RCC1: variants seen among roughly 807,000 people sequenced by gnomAD.
The protein encoded by RCC1 is regulator of chromosome condensation 1, also known as regulator of chromosome condensation.
RCC1 carries 11 observed loss-of-function variants against 44.4 expected under a neutral mutation model. The ratio of observed to expected loss-of-function variants is 0.25; its 90% CI spans 0.16 to 0.41. The LOEUF (loss-of-function observed/expected upper bound fraction) is 0.41, where lower values mean the gene tolerates loss of function less well. RCC1 is among the 10% of genes least tolerant of loss of function. RCC1 has a pLI of 1.00. For missense variants in RCC1, 386 were observed against 547.1 expected (o/e 0.71, Z 2.94); for synonymous variants, 213 against 216.5 (o/e 0.98, Z 0.14).
At chr1:28,525,968 T>C (rs989266854) in intron 4 of RCC1, among the ~76,000 whole-genome samples, 12 of 152,126 alleles carry the variant, frequency 7.9e-5, no homozygotes, top group Admixed American at 1.3e-4. Flanking sequence ...GACAACTTGA[T>C]TGTTTTTCAT....
intron 3 of RCC1, among the ~76,000 whole-genome samples, chr1:28,515,577 C>A (rs1374954120): frequency 6.6e-6 from 1 of 151,196 alleles, no homozygotes; most frequent in East Asian, 1.9e-4. Flanking sequence ...ATGAGCCGGG[C>A]ATGGTGGTGC....
chr1:28,530,626 G>T (rs749630781), intron 5 of RCC1: 3 of 1,590,650 alleles, frequency 1.9e-6, no homozygotes, highest in African/African-American at 2.7e-5. Context: ...GTGGCTCCGC[G>T]CCCGGGGCGC....
At chr1:28,537,035 C>A (rs1247924510) in intron 12 of RCC1, 136 bp downstream of exon 12, 8 of 904,354 alleles carry the variant, frequency 8.8e-6, no homozygotes, top group South Asian at 1.6e-5. Flanking sequence ...GCACTTTGTT[C>A]CTGCTTCTCA....
At position 28,535,892 on chromosome 1, in the gene RCC1, G is replaced by A; in HGVS notation, c.683G>A (p.Cys228Tyr). Reference protein sequence around the residue: ...QGLERLLVPKCVMLKSRGSRG... With the variant: ...QGLERLLVPKYVMLKSRGSRG... Reference sequence around the variant, plus strand: ...GCAGAACGACTCCTGGTCCCCAAGTGTGTGATGCTGAAATCCAGGGGAAGC... The same window carrying A: ...GCAGAACGACTCCTGGTCCCCAAGTATGTGATGCTGAAATCCAGGGGAAGC... The change falls in exon 10 of 13, where the codon TGT (cysteine) becomes TAT (tyrosine). Residue 228 changes from cysteine (C) to tyrosine (Y), a missense_variant. Physicochemically the swap from Cys to Tyr is radical, Grantham distance 194 (BLOSUM62 -2). Transcript: ENST00000683442. 4 of 1,613,884 alleles carry A rather than the reference G, an allele frequency of 2.5e-6. No homozygotes were observed. Among genetic ancestry groups the A allele is most frequent in the Non-Finnish European group, 3.4e-6 (4 of 1,179,856 alleles).
At chr1:28,527,560 A>C (rs193180116) in intron 4 of RCC1, among the ~76,000 whole-genome samples, 2 of 152,258 alleles carry the variant, frequency 1.3e-5, no homozygotes, top group Admixed American at 1.3e-4. Flanking sequence ...TCAATCAATT[A>C]AATAAGAAAA....
chr1:28,532,984 T>A (rs1234858676), intron 7 of RCC1, among the ~76,000 whole-genome samples: 1 of 151,986 alleles, frequency 6.6e-6, no homozygotes, highest in African/African-American at 2.4e-5. Context: ...CCTGGCTAAT[T>A]TTGTATTTTT....
At chr1:28,516,703 C>A in intron 3 of RCC1, 22 bp from the exon 4 acceptor site, 1 of 336,152 alleles carries the variant, frequency 3.0e-6, no homozygotes, top group Non-Finnish European at 5.9e-6. Context: ...TAATAATAAT[C>A]ACTTATTATT....
chr1:28,511,753 C>T lies in RCC1; in HGVS notation c.-153+2848C>T, dbSNP rs548751935. 9.2e-5 allele frequency among the ~76,000 whole-genome samples: 14 copies of T among 151,886 alleles called. No individual in the cohort carries two copies. In the East Asian group the frequency reaches 1.2e-3, roughly 13 times the overall value. On this transcript the variant is annotated intron_variant, in intron 3 of 12. Transcript: ENST00000683442. ...TTGGCTTGCTGCAACCTCCACCTCC[C>T]GGGTTCCAGCAATTCTCCCACCTCA...
chr1:28,515,139 A>G (rs887490298), intron 3 of RCC1, among the ~76,000 whole-genome samples: 4 of 152,034 alleles, frequency 2.6e-5, no homozygotes, highest in South Asian at 2.1e-4. Flanking sequence ...TTAGATGGGC[A>G]ATTAGCTGGA....
chr1:28,535,373 A>G lies in RCC1; in HGVS notation c.654A>G (p.Gln218=), dbSNP rs368452085. The G allele has an allele frequency of 1.4e-5, 22 of 1,613,996 alleles. No individual in the cohort carries two copies. The African/African-American group carries it at 2.7e-4, about 20-fold the overall frequency. The change falls in exon 9 of 13, where the codon CAA becomes CAG. Residue 218 remains glutamine (Q), a synonymous_variant. Transcript: ENST00000683442. ...TATTTGCCAACCGTGGTGGCCGGCA[A>G]GGCCTCGGTAAGTGGCCTTGGTACC... ...PELFANRGGR[Q]GLERLLVPKC...
intron 2 of RCC1, 96 bp downstream of exon 2, chr1:28,508,256 C>T: frequency 2.7e-6 from 1 of 372,518 alleles, no homozygotes; most frequent in Non-Finnish European, 5.5e-6. Context: ...TCTAGTTGGT[C>T]AGGATTTACC....
chr1:28,515,547 T>C (rs1662845604), intron 3 of RCC1, among the ~76,000 whole-genome samples: 1 of 149,124 alleles, frequency 6.7e-6, no homozygotes, highest in African/African-American at 2.5e-5. Flanking sequence ...TGAAACCCTG[T>C]CTCTATTAAA....
rs866986578 is a variant in RCC1, at chr1:28,533,850, T to G, written c.442-1200T>G. On this transcript the variant is annotated intron_variant, in intron 7 of 12. Coordinates refer to ENST00000683442, the MANE Select transcript of RCC1 (RefSeq NM_001381865.2). ...TTTTTCTTTTCTTTTCTTTTCTTTT[T>G]TTTTTTTTTTTTTTTTTTTTTTTTT... Among the ~76,000 whole-genome samples the G allele has an allele frequency of 4.7e-4, 5 of 10,740 alleles. No homozygotes were observed. The East Asian group carries it at 5.6e-3, about 12-fold the overall frequency. 7.0% of individuals were successfully genotyped at this position (10,740 alleles called of 152,430 possible).
intron 5 of RCC1, among the ~76,000 whole-genome samples, chr1:28,530,800 C>T (rs1664104172): frequency 6.6e-6 from 1 of 152,176 alleles, no homozygotes; most frequent in Non-Finnish European, 1.5e-5. Context: ...CTTCCTCCCG[C>T]CCCTCCTGCC....
At chr1:28,527,137 T>C in intron 4 of RCC1, 1 of 1,279,356 alleles carries the variant, frequency 7.8e-7, no homozygotes, top group Non-Finnish European at 1.1e-6. Context: ...GCAGCAGGCC[T>C]GAGGGCTGCA....
chr1:28,535,540 ACT>A, intron 9 of RCC1, 160 bp downstream of exon 9: 1 of 1,094,398 alleles, frequency 9.1e-7, no homozygotes, highest in Admixed American at 2.0e-5. Flanking sequence ...TTTGCCACCT[ACT>A]GTCTATGGGA....
intron 4 of RCC1, among the ~76,000 whole-genome samples, chr1:28,521,370 A>G (rs191421894): frequency 0.017 from 2,490 of 150,332 alleles, 28 homozygotes; most frequent in African/African-American, 0.023. Context: ...GTGTGGTGGC[A>G]GGCGCCTGTA....
intron 1 of RCC1, chr1:28,507,142 GT>G (rs1662018859): frequency 3.6e-6 from 1 of 276,134 alleles, no homozygotes; most frequent in Admixed American, 4.6e-5. Context: ...CCTAATTGTT[GT>G]CTTTGCTTCT....
chr1:28,517,556 G>C (rs1026864249), intron 4 of RCC1, among the ~76,000 whole-genome samples: 1 of 152,030 alleles, frequency 6.6e-6, no homozygotes, highest in African/African-American at 2.4e-5. Flanking sequence ...GTTAAGACAT[G>C]GGCACATACC....
Sources: allele counts gnomAD v4.1 joint callset (sites outside exome capture counted in the v4.1 genomes callset), GRCh38; gene constraint gnomAD v4.1.1; transcripts MANE v1.5; gene names NCBI Gene and HGNC (gene_info 2026-07-23, HGNC 2026-07-21).